The following AGAP1 variants were observed in gnomAD, a reference collection of about 807,000 sequenced individuals.
The protein encoded by AGAP1 is arf-GAP with GTPase, ANK repeat and PH domain-containing protein 1.
Under a neutral mutation model 105.3 loss-of-function variants are expected in AGAP1, and 29 were observed. The observed-to-expected ratio is 0.28, with a 90% confidence interval of 0.21 to 0.38. The LOEUF (loss-of-function observed/expected upper bound fraction) is 0.38. Ranked by LOEUF, AGAP1 falls within the 10% of genes least tolerant of loss-of-function variation. The pLI is 1.00. For synonymous variants in AGAP1, 509 were observed against 485.9 expected, an observed-to-expected ratio of 1.05 and a Z score of -0.63; for missense variants, 998 against 1,165.1, an observed-to-expected ratio of 0.86 and a Z score of 2.09.
chr2:235,959,267 G>C lies in AGAP1; in HGVS notation c.1484-9195G>C, dbSNP rs2054079438. 1.3e-5 allele frequency among the ~76,000 whole-genome samples: 2 copies of C among 152,222 alleles called. No individual in the cohort carries two copies. The highest frequency in any genetic ancestry group is 6.5e-5 in the Admixed American group (1 of 15,290). On this transcript the variant is annotated intron_variant, in intron 12 of 17. Coordinates refer to ENST00000304032, the MANE Select transcript of AGAP1 (RefSeq NM_001037131.3). This position sits in a 1 kb window ranked among gnomAD's most constrained non-coding sequence, Gnocchi z 7.3. ...CGGATGGCGCTCCGTGGGCCGGCTG[G>C]AGCTCATTTACAGTGTCTCAGGCGG...
intron 13 of AGAP1, among the ~76,000 whole-genome samples, chr2:236,029,441 A>ATTT (rs34156847): frequency 3.6e-5 from 5 of 138,238 alleles, no homozygotes; most frequent in African/African-American, 1.3e-4. Flanking sequence ...ACACCCAGCC[A>ATTT]TTTTTTTTTT....
intron 1 of AGAP1, chr2:235,670,137 C>T (rs779789904): frequency 2.9e-4 from 167 of 578,622 alleles, no homozygotes; most frequent in Non-Finnish European, 4.8e-4. Flanking sequence ...CCCGCGTCGC[C>T]ACCCGCGGAC....
At chr2:235,790,115 AATG>A (rs1035599262) in intron 6 of AGAP1, among the ~76,000 whole-genome samples, 1 of 152,160 alleles carries the variant, frequency 6.6e-6, no homozygotes, top group Non-Finnish European at 1.5e-5. Context: ...TGGCAAAAAA[AATG>A]ATGAAAGCCT....
rs1358802087 is a variant in AGAP1 at position 235,961,846 on chromosome 2, T to C, written c.1484-6616T>C. Among the ~76,000 whole-genome samples the C allele has an allele frequency of 6.6e-6, 1 of 152,150 alleles. No homozygotes were observed. Among genetic ancestry groups the C allele is most frequent in the East Asian group, 1.9e-4 (1 of 5,172 alleles). ...ATCACGCCACTGCACTACAGCCTGG[T>C]GACAGAGCAAGACTTCGTCACACAC... is the stretch of plus-strand genomic sequence containing the variant. On this transcript the variant is annotated intron_variant, in intron 12 of 17. Coordinates refer to ENST00000304032, the MANE Select transcript of AGAP1 (RefSeq NM_001037131.3). This position sits in a 1 kb window ranked among gnomAD's most constrained non-coding sequence, Gnocchi z 5.9.
rs1952744249 is a variant in AGAP1 at position 235,744,052 on chromosome 2, G to C, written c.397-646G>C. Among the ~76,000 whole-genome samples the C allele has an allele frequency of 6.6e-6, 1 of 152,350 alleles. No homozygotes were observed. Among genetic ancestry groups the C allele is most frequent in the South Asian group, 2.1e-4 (1 of 4,832 alleles). ...GAATAAAATGAATACGGCAAAGCAA[G>C]AACAAAATGGCGAGAGTGAGGCTAT... is the stretch of plus-strand genomic sequence containing the variant. On this transcript the variant is annotated intron_variant, in intron 4 of 17. Coordinates refer to ENST00000304032, the MANE Select transcript of AGAP1 (RefSeq NM_001037131.3). The surrounding 1 kb of genome is among the most constrained non-coding windows in gnomAD (Gnocchi z 5.2).
At position 235,807,334 on chromosome 2, in the gene AGAP1, G is replaced by A. The variant is rs376965547; in HGVS notation, c.1050+3G>A. On this transcript the variant is annotated splice_donor_region_variant and intron_variant, in intron 9 of 17. Coordinates refer to ENST00000304032, the MANE Select transcript of AGAP1 (RefSeq NM_001037131.3). ...GCCGAGCCATCCCAATTAAACAGGT[G>A]AGCAGCCTCCCCATCCTTCCCTCCC... 2.5e-6 allele frequency: 4 copies of A among 1,583,114 alleles called. No individual in the cohort carries two copies. In the African/African-American group the frequency reaches 5.5e-5, roughly 22 times the overall value.
intron 1 of AGAP1, among the ~76,000 whole-genome samples, chr2:235,619,881 C>T (rs1249697040): frequency 6.6e-6 from 1 of 152,150 alleles, no homozygotes; most frequent in African/African-American, 2.4e-5. Context: ...AAGGTTTGTC[C>T]AGAGTGCGCA....
At chr2:235,800,521 A>T (rs1957448034) in intron 8 of AGAP1, among the ~76,000 whole-genome samples, 1 of 152,116 alleles carries the variant, frequency 6.6e-6, no homozygotes, top group Non-Finnish European at 1.5e-5. Flanking sequence ...ATTACCAATC[A>T]ATCTGGATTC....
In AGAP1 at chr2:235,963,205, T is replaced by A. The variant is rs181331353; in HGVS notation, c.1484-5257T>A. Among the ~76,000 whole-genome samples, 1 of 152,118 alleles carries A rather than the reference T, an allele frequency of 6.6e-6. No individual in the cohort carries two copies. Among genetic ancestry groups the A allele is most frequent in the Non-Finnish European group, 1.5e-5 (1 of 68,016 alleles). On this transcript the variant is annotated intron_variant, in intron 12 of 17. Transcript: ENST00000304032. This position sits in a 1 kb window ranked among gnomAD's most constrained non-coding sequence, Gnocchi z 5.1. ...AGAGAATTATAAATATTGCAAGATATGGAGAAAGCTTAGAAATGAGAGGGC... is the reference window on the plus strand; with the variant it reads ...AGAGAATTATAAATATTGCAAGATAAGGAGAAAGCTTAGAAATGAGAGGGC...
intron 9 of AGAP1, among the ~76,000 whole-genome samples, chr2:235,819,944 C>T (rs1295192557): frequency 2.3e-5 from 3 of 132,108 alleles, no homozygotes; most frequent in Non-Finnish European, 4.7e-5. Flanking sequence ...GCTCTTGTTG[C>T]CCAGGCTGGA....
chr2:235,838,397 T>C (rs1013663324), intron 9 of AGAP1, among the ~76,000 whole-genome samples: 1 of 152,218 alleles, frequency 6.6e-6, no homozygotes, highest in African/African-American at 2.4e-5. Flanking sequence ...ACATTTCATA[T>C]GGTAGGAGGA....
chr2:236,122,038 A>G (rs1024002579), intron 17 of AGAP1, among the ~76,000 whole-genome samples: 2 of 150,744 alleles, frequency 1.3e-5, no homozygotes, highest in African/African-American at 2.4e-5. Flanking sequence ...TGTAACCTCA[A>G]ACTCCTGGGC....
chr2:236,066,407 G>A (rs2058347016), intron 16 of AGAP1, among the ~76,000 whole-genome samples: 1 of 152,086 alleles, frequency 6.6e-6, no homozygotes, highest in South Asian at 2.1e-4. Context: ...CGTATTTTTA[G>A]TAGAGATGGG....
intron 1 of AGAP1, among the ~76,000 whole-genome samples, chr2:235,603,715 C>A (rs1945817193): frequency 6.6e-6 from 1 of 152,158 alleles, no homozygotes; most frequent in Non-Finnish European, 1.5e-5. Context: ...GGCTTTTTAT[C>A]TTTTCCTCTT....
rs1292830384 is a variant in AGAP1 at position 235,737,186 on chromosome 2, C to T, written c.311-3777C>T. 2.0e-5 allele frequency among the ~76,000 whole-genome samples: 3 copies of T among 152,176 alleles called. No individual in the cohort carries two copies. In the East Asian group the frequency reaches 5.8e-4, roughly 29 times the overall value. On this transcript the variant is annotated intron_variant, in intron 3 of 17. Coordinates refer to ENST00000304032, the MANE Select transcript of AGAP1 (RefSeq NM_001037131.3). The surrounding 1 kb of genome is among the most constrained non-coding windows in gnomAD (Gnocchi z 4.5). The stretch of plus-strand genomic sequence containing the variant: ...TTCATACAACCTGGCTGCTGGAGCA[C>T]CTGGCTGAATTTTATCTTATTATTC...
At chr2:235,528,547 G>A (rs533744277) in intron 1 of AGAP1, among the ~76,000 whole-genome samples, 2 of 152,284 alleles carry the variant, frequency 1.3e-5, no homozygotes, top group East Asian at 3.9e-4. Context: ...TCGAGAGATT[G>A]TCATTTTCCT....
At chr2:236,107,107 CCCCCCGCCCCA>C (rs1439498943) in intron 16 of AGAP1, among the ~76,000 whole-genome samples, 1 of 147,368 alleles carries the variant, frequency 6.8e-6, no homozygotes, top group Non-Finnish European at 1.5e-5. Context: ...TTACCCGTTC[CCCCCCGCCCCA>C]CCCCCGCCAG....
At chr2:236,031,061 G>C (rs749846168) in intron 13 of AGAP1, among the ~76,000 whole-genome samples, 26 of 152,298 alleles carry the variant, frequency 1.7e-4, no homozygotes, top group Middle Eastern at 3.4e-3. Context: ...TGTGATGCAT[G>C]TTAAATTTGA....
At chr2:235,640,294 T>TAAAAGAGAAAATGATCTC (rs1947148092) in intron 1 of AGAP1, among the ~76,000 whole-genome samples, 1 of 152,204 alleles carries the variant, frequency 6.6e-6, no homozygotes, top group African/African-American at 2.4e-5. Context: ...ACCCTGCAGT[T>TAAAAGAGAAAATGATCTC]AAAAGAGAAA....
Sources: gnomAD v4.1 joint callset for allele counts (sites outside exome capture counted in the v4.1 genomes callset) on GRCh38, gnomAD v4.1.1 for gene constraint, Gnocchi (gnomAD v3.1) non-coding constraint, MANE v1.5 for transcripts, NCBI Gene and HGNC (gene_info 2026-07-23, HGNC 2026-07-21) for gene names.